Variants in PLEKHA1 observed in about 807,000 individuals in gnomAD.
PLEKHA1 encodes the protein pleckstrin homology domain-containing family A member 1.
A neutral mutation model predicts 52.0 loss-of-function variants in PLEKHA1; 34 were observed. The ratio of observed to expected loss-of-function variants is 0.65; its 90% CI spans 0.50 to 0.87. PLEKHA1 has a LOEUF of 0.87. Among genes scored for constraint, PLEKHA1 ranks in the 40% least tolerant of loss-of-function variants. The pLI is 0.00. For synonymous variants in PLEKHA1, 163 were observed against 170.7 expected, an observed-to-expected ratio of 0.95 and a Z score of 0.35; for missense variants, 497 against 504.2, an observed-to-expected ratio of 0.99 and a Z score of 0.14.
intron 5 of PLEKHA1, among the ~76,000 whole-genome samples, chr10:122,411,223 C>T (rs2097102180): frequency 6.6e-6 from 1 of 152,102 alleles, no homozygotes; most frequent in African/African-American, 2.4e-5. Flanking sequence ...TGAATACGAA[C>T]CAGAGGCTGG....
intron 1 of PLEKHA1, among the ~76,000 whole-genome samples, chr10:122,376,101 G>A (rs2096530570): frequency 6.6e-6 from 1 of 151,970 alleles, no homozygotes; most frequent in East Asian, 1.9e-4. Flanking sequence ...GCAAAGTTTG[G>A]GTAAGAGTTA....
At chr10:122,438,852 ATGAT>A in the PLEKHA1 span, 1 of 142,186 alleles carries the variant, frequency 7.0e-6, no homozygotes, top group African/African-American at 2.6e-5. Flanking sequence ...ACTAACATTA[ATGAT>A]AGCTGATGAG....
At chr10:122,418,085 G>T in intron 8 of PLEKHA1, 117 bp downstream of exon 8, 1 of 669,664 alleles carries the variant, frequency 1.5e-6, no homozygotes, top group Non-Finnish European at 2.4e-6. Flanking sequence ...AGTTTTTAGA[G>T]GTAAATATAG....
At chr10:122,417,496 A>C (rs1416209878) in intron 7 of PLEKHA1, among the ~76,000 whole-genome samples, 1 of 151,906 alleles carries the variant, frequency 6.6e-6, no homozygotes, top group South Asian at 2.1e-4. Flanking sequence ...TAAAAATACA[A>C]AAATTAGCTG....
At chr10:122,433,192 A>C (rs1181229087), downstream of PLEKHA1, 1 of 152,252 alleles carries the variant, frequency 6.6e-6, no homozygotes. Flanking sequence ...GGACTACCCT[A>C]TTCCTGTCAT....
Position 122,389,717 on chromosome 10 carries a change from T to A in PLEKHA1, c.-20-3464T>A, listed in dbSNP as rs571190416. Among the ~76,000 whole-genome samples the A allele has an allele frequency of 1.2e-3, 178 of 152,074 alleles. 2 individuals are homozygous for A. The highest frequency in any genetic ancestry group is 3.8e-3 in the African/African-American group (157 of 41,474). On this transcript the variant is annotated intron_variant, in intron 1 of 11. Transcript: ENST00000368990. ...CAAGACTCCATCTCAAAAAAAAAAT[T>A]TTTTTTTCAGTAAAACATGCTGTAA...
At chr10:122,433,993 G>C (rs2097429319), downstream of PLEKHA1, 1 of 152,196 alleles carries the variant, frequency 6.6e-6, no homozygotes, top group Admixed American at 6.5e-5. Context: ...CATTGCGTGT[G>C]TAAGCCATGT....
At chr10:122,440,246 G>A in the PLEKHA1 span, 1 of 152,174 alleles carries the variant, frequency 6.6e-6, no homozygotes, top group African/African-American at 2.4e-5. Context: ...AGAACATGTG[G>A]TTCCTGGAGA....
Position 122,424,956 on chromosome 10 carries a change from G to T in PLEKHA1, c.807G>T (p.Val269=), listed in dbSNP as rs764907044. 1 of 1,605,600 alleles carries T rather than the reference G, an allele frequency of 6.2e-7. No individual in the cohort carries two copies. Among genetic ancestry groups the T allele is most frequent in the South Asian group, 1.1e-5 (1 of 89,594 alleles). Residue 269 remains valine, a synonymous_variant, in exon 10 of 12, where the codon GTG becomes GTT. Coordinates refer to ENST00000368990, the MANE Select transcript of PLEKHA1 (RefSeq NM_001001974.4). ...EIVTTSRTFY[V]QADSPEEMHS... is the part of the protein sequence containing the mutation. ...TAACAACGTCTCGAACTTTCTATGT[G>T]CAGGTAAGATGCTTATTTGGCAATT...
chr10:122,383,771 G>T (rs2096649679), intron 1 of PLEKHA1, among the ~76,000 whole-genome samples: 1 of 152,090 alleles, frequency 6.6e-6, no homozygotes, highest in South Asian at 2.1e-4. Context: ...CCGATTTTAA[G>T]TATGTCAGTG....
At chr10:122,441,616 T>A in the PLEKHA1 span, 1 of 152,226 alleles carries the variant, frequency 6.6e-6, no homozygotes, top group African/African-American at 2.4e-5. Flanking sequence ...AATCACTGCC[T>A]GTGTTCTGTG....
intron 3 of PLEKHA1, among the ~76,000 whole-genome samples, chr10:122,399,720 C>T (rs1421082711): frequency 1.3e-5 from 2 of 152,032 alleles, no homozygotes; most frequent in African/African-American, 2.4e-5. Flanking sequence ...GTAGCTGGGA[C>T]TACAGGCGCC....
chr10:122,441,400 AGATCAAGGCTGCAGTGAGCCCTGAG>A, the PLEKHA1 span: 1 of 152,128 alleles, frequency 6.6e-6, no homozygotes, highest in Non-Finnish European at 1.5e-5. Context: ...TGAGCCTGGG[AGATCAAGGCTGCAGTGAGCCCTGAG>A]TGTCACTGCA....
At chr10:122,385,277 A>C (rs2096672953) in intron 1 of PLEKHA1, among the ~76,000 whole-genome samples, 1 of 150,158 alleles carries the variant, frequency 6.7e-6, no homozygotes, top group Non-Finnish European at 1.5e-5. Context: ...AGGAAGCAGA[A>C]TTATTATCAA....
At chr10:122,384,978 A>G (rs944883025) in intron 1 of PLEKHA1, among the ~76,000 whole-genome samples, 2 of 152,112 alleles carry the variant, frequency 1.3e-5, no homozygotes, top group African/African-American at 2.4e-5. Flanking sequence ...TTTTTTTTAA[A>G]TTGGTACTGG....
At chr10:122,402,653 G>T (rs188950585) in intron 4 of PLEKHA1, among the ~76,000 whole-genome samples, 59 of 152,204 alleles carry the variant, frequency 3.9e-4, no homozygotes, top group Non-Finnish European at 7.5e-4. Context: ...CAAAAACAGG[G>T]ACTTTGTTTG....
At chr10:122,437,404 G>A in the PLEKHA1 span, 4 of 152,178 alleles carry the variant, frequency 2.6e-5, no homozygotes, top group Non-Finnish European at 4.4e-5. Flanking sequence ...TGTTAGGGTT[G>A]ACATGTCAGA....
intron 6 of PLEKHA1, 77 bp downstream of exon 6, chr10:122,413,122 T>C (rs1481371866): frequency 7.9e-7 from 1 of 1,265,898 alleles, no homozygotes; most frequent in African/African-American, 1.5e-5. Flanking sequence ...ACTAAAACAG[T>C]GCATCTTTGC....
intron 11 of PLEKHA1, chr10:122,428,166 T>C: frequency 9.7e-7 from 1 of 1,029,186 alleles, no homozygotes; most frequent in South Asian, 4.4e-5. Flanking sequence ...TTGTGCTTTG[T>C]GGTGGGGGCA....
Sources: gnomAD v4.1 joint callset for allele counts (sites outside exome capture counted in the v4.1 genomes callset) on GRCh38, gnomAD v4.1.1 for gene constraint, MANE v1.5 for transcripts, NCBI Gene and HGNC (gene_info 2026-07-23, HGNC 2026-07-21) for gene names.